KDM4C: variants seen among roughly 807,000 people sequenced by gnomAD.
The protein encoded by KDM4C is lysine demethylase 4C, also known as lysine-specific demethylase 4C.
Under a neutral mutation model 129.3 loss-of-function variants are expected in KDM4C, and 81 were observed. The observed-to-expected ratio is 0.63, with a 90% CI of 0.52 to 0.75. The LOEUF is 0.75. Among genes scored for constraint, KDM4C ranks in the 30% least tolerant of loss-of-function variants. KDM4C has a pLI of 0.00. For synonymous variants in KDM4C, 573 were observed against 456.1 expected (o/e 1.26, Z -3.26); for missense variants, 1,457 against 1,304.0 (o/e 1.12, Z -1.81).
intron 1 of KDM4C, among the ~76,000 whole-genome samples, chr9:6,774,176 C>A (rs1035200712): frequency 5.0e-4 from 76 of 152,064 alleles, no homozygotes; most frequent in African/African-American, 1.7e-3. Flanking sequence ...GTGTGAGCCA[C>A]CGTGCCTGGC....
intron 8 of KDM4C, among the ~76,000 whole-genome samples, chr9:6,970,462 T>C (rs1831767514): frequency 6.6e-6 from 1 of 152,234 alleles, no homozygotes; most frequent in African/African-American, 2.4e-5. Flanking sequence ...AAGTATTAAA[T>C]TTGAACCAAA....
At chr9:7,141,797 GTT>G (rs112782165) in intron 19 of KDM4C, among the ~76,000 whole-genome samples, 1 of 146,638 alleles carries the variant, frequency 6.8e-6, no homozygotes, top group African/African-American at 2.5e-5. Context: ...TTGTTATTAG[GTT>G]TTTTTTTTTT....
intron 19 of KDM4C, among the ~76,000 whole-genome samples, chr9:7,149,678 A>C (rs371341259): frequency 6.6e-6 from 1 of 152,382 alleles, no homozygotes; most frequent in South Asian, 2.1e-4. Context: ...TGTGGTGCCC[A>C]GCACATAGTA....
intron 1 of KDM4C, among the ~76,000 whole-genome samples, chr9:6,751,824 A>C (rs1465852463): frequency 6.6e-6 from 1 of 152,196 alleles, no homozygotes; most frequent in East Asian, 1.9e-4. Flanking sequence ...GAAGAATTTG[A>C]GTAGAAAAGA....
intron 18 of KDM4C, among the ~76,000 whole-genome samples, chr9:7,116,833 A>G (rs1176999122): frequency 1.3e-5 from 2 of 152,158 alleles, no homozygotes; most frequent in Non-Finnish European, 2.9e-5. Context: ...CTCCTCATGT[A>G]AGCAGTGTGT....
chr9:6,843,912 A>G (rs541668707), intron 4 of KDM4C, among the ~76,000 whole-genome samples: 1 of 152,246 alleles, frequency 6.6e-6, no homozygotes, highest in African/African-American at 2.4e-5. Context: ...GTGCAGTGGC[A>G]CAATCATGAC....
chr9:6,867,017 ATTTTTTTTTT>A (rs139668753), intron 5 of KDM4C, among the ~76,000 whole-genome samples: 2 of 83,784 alleles, frequency 2.4e-5, no homozygotes, highest in Non-Finnish European at 4.9e-5. Flanking sequence ...ATATATATAT[ATTTTTTTTTT>A]TTTTTGGAAG....
At chr9:7,107,116 G>A (rs551505849) in intron 18 of KDM4C, among the ~76,000 whole-genome samples, 4 of 152,174 alleles carry the variant, frequency 2.6e-5, no homozygotes, top group Admixed American at 6.5e-5. Flanking sequence ...CTTCATGTGT[G>A]CACATGAGTG....
intron 17 of KDM4C, among the ~76,000 whole-genome samples, chr9:7,070,111 G>A (rs1832993331): frequency 6.6e-6 from 1 of 152,236 alleles, no homozygotes; most frequent in East Asian, 1.9e-4. Flanking sequence ...GTTACAGTTT[G>A]GAAACCTAGG....
Position 6,792,980 on chromosome 9 carries a change from C to G in KDM4C, c.-9C>G. On this transcript the variant is annotated 5_prime_UTR_variant, in exon 2 of 22. Transcript: ENST00000381309. ...TACTGTCTTCTCTCCAGACACTGCC[C>G]TAACCATCATGGAGGTGGCCGAGGT... 1 of 1,614,136 alleles carries G rather than the reference C, an allele frequency of 6.2e-7. No homozygotes were observed. The highest frequency in any genetic ancestry group is 1.1e-5 in the South Asian group (1 of 91,080).
intron 6 of KDM4C, among the ~76,000 whole-genome samples, chr9:6,880,549 G>C (rs1844282140): frequency 6.6e-6 from 1 of 152,226 alleles, no homozygotes; most frequent in African/African-American, 2.4e-5. Context: ...TGGGACTGGA[G>C]GTGTGCCCTT....
chr9:6,854,307 T>C (rs2130250650), intron 5 of KDM4C, among the ~76,000 whole-genome samples: 1 of 152,024 alleles, frequency 6.6e-6, no homozygotes, highest in East Asian at 1.9e-4. Context: ...GGCGGGCGGA[T>C]CACCTGAGGT....
intron 20 of KDM4C, among the ~76,000 whole-genome samples, chr9:7,168,785 C>T (rs1404382103): frequency 1.3e-5 from 2 of 152,030 alleles, no homozygotes; most frequent in Non-Finnish European, 1.5e-5. Context: ...AGTAAACAGG[C>T]CGGGCATGGT....
intron 8 of KDM4C, among the ~76,000 whole-genome samples, chr9:6,956,114 G>T (rs1313083642): frequency 6.6e-6 from 1 of 152,164 alleles, no homozygotes; most frequent in Non-Finnish European, 1.5e-5. Context: ...GGTAGTTGGG[G>T]GTGGTGATGG....
chr9:7,061,899 C>G (rs948203595), intron 17 of KDM4C, among the ~76,000 whole-genome samples: 2 of 152,244 alleles, frequency 1.3e-5, no homozygotes, highest in Non-Finnish European at 2.9e-5. Flanking sequence ...ACCCCTCACC[C>G]TAATTTCAGC....
rs117066026 is a variant in KDM4C at position 7,155,105 on chromosome 9, A to G, written c.2782-10133A>G. The stretch of plus-strand genomic sequence containing the variant: ...CTTAGATTCTAGATTGCTTAAAAGA[A>G]GTCGCCCAAGTCAGAGAGAGCTTTG... On this transcript the variant is annotated intron_variant, in intron 19 of 21. Transcript: ENST00000381309. Among the ~76,000 whole-genome samples the G allele has an allele frequency of 8.1e-4, 123 of 152,320 alleles. 3 individuals are homozygous for G. The East Asian group carries it at 0.019, about 24-fold the overall frequency.
intron 12 of KDM4C, among the ~76,000 whole-genome samples, chr9:7,000,638 A>G (rs1820561241): frequency 6.6e-6 from 1 of 152,216 alleles, no homozygotes; most frequent in Admixed American, 6.5e-5. Flanking sequence ...AGGTTATAAT[A>G]TATATGAAAT....
intron 1 of KDM4C, among the ~76,000 whole-genome samples, chr9:6,727,728 A>G (rs1817183351): frequency 7.0e-6 from 1 of 142,156 alleles, no homozygotes; most frequent in African/African-American, 2.7e-5. Flanking sequence ...TAGCCATCTA[A>G]AATGGAGAGA....
chr9:6,816,738 C>G (rs1318933489), intron 4 of KDM4C, among the ~76,000 whole-genome samples: 1 of 152,030 alleles, frequency 6.6e-6, no homozygotes, highest in Non-Finnish European at 1.5e-5. Flanking sequence ...GTAGTCGTAT[C>G]TTTTGGTTTT....
Sources: gnomAD v4.1 joint callset for allele counts (sites outside exome capture counted in the v4.1 genomes callset) on GRCh38, gnomAD v4.1.1 for gene constraint, MANE v1.5 for transcripts, NCBI Gene and HGNC (gene_info 2026-07-23, HGNC 2026-07-21) for gene names.